FLT1: variants seen among roughly 807,000 people sequenced by gnomAD.
FLT1 encodes the protein fms related receptor tyrosine kinase 1.
FLT1 carries 49 observed loss-of-function variants against 156.3 expected under a neutral mutation model. The observed-to-expected ratio is 0.31, with a 90% CI of 0.25 to 0.40. The LOEUF is 0.40. Among genes scored for constraint, FLT1 ranks in the 10% least tolerant of loss-of-function variants. The pLI, the probability that FLT1 is intolerant of heterozygous loss-of-function variation, is 1.00. For synonymous variants in FLT1, 594 were observed against 583.8 expected, an observed-to-expected ratio of 1.02 and a Z score of -0.25; for missense variants, 1,322 against 1,637.2, an observed-to-expected ratio of 0.81 and a Z score of 3.32.
At chr13:28,430,015 G>T in intron 8 of FLT1, 35 bp downstream of exon 8, 5 of 1,342,834 alleles carry the variant, frequency 3.7e-6, no homozygotes, top group Non-Finnish European at 5.4e-6. Context: ...TACAAAGTAT[G>T]TCTTAAACTG....
intron 14 of FLT1, among the ~76,000 whole-genome samples, chr13:28,380,484 GT>G (rs1874030503): frequency 6.6e-6 from 1 of 152,120 alleles, no homozygotes; most frequent in Non-Finnish European, 1.5e-5. Flanking sequence ...GGCTATAGTG[GT>G]TTTACAGAGT....
chr13:28,368,851 C>T (rs1177124289), intron 14 of FLT1, among the ~76,000 whole-genome samples: 2 of 151,562 alleles, frequency 1.3e-5, no homozygotes, highest in Non-Finnish European at 2.9e-5. Flanking sequence ...ATTACAGGTG[C>T]CCACCACCAT....
chr13:28,320,488 A>G (rs1871404926), intron 23 of FLT1, among the ~76,000 whole-genome samples: 1 of 151,902 alleles, frequency 6.6e-6, no homozygotes, highest in African/African-American at 2.4e-5. Context: ...ACAGCTTTGA[A>G]TGCAGCCCGA....
At chr13:28,335,455 T>G in intron 17 of FLT1, among the ~76,000 whole-genome samples, 1 of 152,212 alleles carries the variant, frequency 6.6e-6, no homozygotes, top group Non-Finnish European at 1.5e-5. Context: ...TAAAAAATTT[T>G]CTTGTAGTTT....
chr13:28,388,610 T>G, intron 13 of FLT1: 6 of 1,056,288 alleles, frequency 5.7e-6, no homozygotes, highest in Non-Finnish European at 6.9e-6. Context: ...AAAACTGGTG[T>G]GTATTTTTTA....
chr13:28,398,526 C>A (rs556086179), intron 11 of FLT1, among the ~76,000 whole-genome samples: 2 of 152,196 alleles, frequency 1.3e-5, no homozygotes, highest in Non-Finnish European at 2.9e-5. Context: ...GACTTAAACA[C>A]ATGTTCCTCA....
In FLT1 at chr13:28,322,374, A is replaced by G; in HGVS notation, c.2954-15T>C. 1 of 1,526,912 alleles carries G rather than the reference A, an allele frequency of 6.5e-7. No homozygotes were observed. Among genetic ancestry groups the G allele is most frequent in the Non-Finnish European group, 9.1e-7 (1 of 1,100,368 alleles). The allele number at this position is 1,526,912 out of a possible 1,614,324, so 94.6% of individuals were successfully genotyped here. The stretch of plus-strand genomic sequence containing the variant: ...ACCGTCAGAATCTGGAAAGCATTAG[A>G]ACCGTAACTGTTTGTAATGGCTCTT... On this transcript the variant is annotated splice_polypyrimidine_tract_variant and intron_variant, in intron 21 of 29. Transcript: ENST00000282397. This position sits in a 1 kb window ranked among gnomAD's most constrained non-coding sequence, Gnocchi z 4.3.
chr13:28,302,784 T>G lies in FLT1; in HGVS notation c.*383A>C, dbSNP rs61192689. The G allele has an allele frequency of 5.3e-3, 1,400 of 266,592 alleles. 23 individuals are homozygous for G. Among genetic ancestry groups the G allele is most frequent in the African/African-American group, 0.027 (1,199 of 44,814 alleles). 16.5% of individuals were successfully genotyped at this position (266,592 alleles called of 1,614,324 possible). On this transcript the variant is annotated 3_prime_UTR_variant, in exon 30 of 30. Transcript: ENST00000282397. ...CCTGGGGCTAACGGGCTTGTTGCCC[T>G]GGGTTTTGGGCTGCAGGGCTGGCCC...
Position 28,430,160 on chromosome 13 carries a change from T to C in FLT1, c.996A>G (p.Ala332=), listed in dbSNP as rs945408770. ...VNTSVHIYDK[A]FITVKHRKQQ... ...GTTTTCGATGTTTCACAGTGATGAA[T>C]GCTTTATCTTTGAAAGGAGAAGTGA... Residue 332 remains alanine, a synonymous_variant, in exon 8 of 30, where the codon GCA becomes GCG. Transcript: ENST00000282397. The C allele has an allele frequency of 6.2e-7, 1 of 1,609,884 alleles. No individual in the cohort carries two copies. Among genetic ancestry groups the C allele is most frequent in the Non-Finnish European group, 8.5e-7 (1 of 1,176,260 alleles).
chr13:28,438,747 T>C (rs1420599405), intron 3 of FLT1, among the ~76,000 whole-genome samples: 2 of 152,296 alleles, frequency 1.3e-5, no homozygotes, highest in South Asian at 2.1e-4. Flanking sequence ...TCAAAGGGCA[T>C]AGATGCAGTG....
intron 12 of FLT1, among the ~76,000 whole-genome samples, chr13:28,396,021 C>T (rs187682427): frequency 6.6e-4 from 101 of 152,300 alleles, no homozygotes; most frequent in African/African-American, 2.4e-3. Context: ...ATCCCATTTG[C>T]TCATCTGGAA....
chr13:28,415,458 GCAA>G (rs1876592129), intron 10 of FLT1, among the ~76,000 whole-genome samples: 1 of 152,006 alleles, frequency 6.6e-6, no homozygotes, highest in Non-Finnish European at 1.5e-5. Context: ...TCCAGCCTGG[GCAA>G]CAACAGCAAA....
At chr13:28,343,462 G>C (rs1198379419) in intron 16 of FLT1, among the ~76,000 whole-genome samples, 3 of 150,734 alleles carry the variant, frequency 2.0e-5, no homozygotes, top group African/African-American at 7.3e-5. Flanking sequence ...ACCATGCCCA[G>C]CTAATTTTTT....
Position 28,357,645 on chromosome 13 carries a change from T to C in FLT1, c.2157A>G (p.Glu719=), listed in dbSNP as rs369163553. 87 of 1,613,636 alleles carry C rather than the reference T, an allele frequency of 5.4e-5. No individual in the cohort carries two copies. Among genetic ancestry groups the C allele is most frequent in the Non-Finnish European group, 7.0e-5 (83 of 1,179,694 alleles). ...CACCTTCATCCTCTTCTGTGACTCT[T>C]TCAATAAACAGCGTGCTGCTTCCTG... The part of the protein sequence containing the change: ...LGPGSSTLFI[E]RVTEEDEGVY... Residue 719 remains glutamate, a synonymous_variant, in exon 15 of 30, where the codon GAA becomes GAG. Transcript: ENST00000282397.
At position 28,427,754 on chromosome 13, in the gene FLT1, T is replaced by G. The variant is rs1877431880; in HGVS notation, c.1274A>C (p.Asn425Thr). ...GAAAGTATGAACAGCAAACTTACCA[T>G]TGACAATTAGAGTGGCAGTGAGGTT... ...FKNLTATLIV[N>T]VKPQIYEKAV... Residue 425 changes from asparagine to threonine, a missense_variant and splice_region_variant, in exon 9 of 30, where the codon AAT becomes ACT. Coordinates refer to ENST00000282397, the MANE Select transcript of FLT1 (RefSeq NM_002019.4). The G allele has an allele frequency of 1.2e-6, 2 of 1,613,622 alleles. No individual in the cohort carries two copies. Among genetic ancestry groups the G allele is most frequent in the East Asian group, 4.5e-5 (2 of 44,878 alleles).
intron 3 of FLT1, among the ~76,000 whole-genome samples, chr13:28,451,167 C>A (rs6490306): frequency 0.097 from 14,694 of 152,238 alleles, 953 homozygotes; most frequent in Admixed American, 0.18. Flanking sequence ...TGACGCCTGT[C>A]ATCCTAGCAC....
chr13:28,310,959 T>A (rs115765818), intron 27 of FLT1, among the ~76,000 whole-genome samples: 1,615 of 152,286 alleles, frequency 0.011, 20 homozygotes, highest in African/African-American at 0.037. Flanking sequence ...AGGAATTTAT[T>A]TGGTGCGATA....
At chr13:28,311,812 T>A in intron 26 of FLT1, 80 bp from the exon 27 acceptor site, 1 of 1,481,924 alleles carries the variant, frequency 6.7e-7, no homozygotes, top group Non-Finnish European at 9.4e-7. Context: ...CAACTTTGAC[T>A]ATGTCATTTG....
intron 3 of FLT1, among the ~76,000 whole-genome samples, chr13:28,451,240 C>T (rs572461006): frequency 5.3e-5 from 8 of 152,140 alleles, no homozygotes; most frequent in Admixed American, 2.6e-4. Flanking sequence ...CTGGACAACA[C>T]GGTGAAACCC....
Sources: gnomAD v4.1 joint callset for allele counts (sites outside exome capture counted in the v4.1 genomes callset) on GRCh38, gnomAD v4.1.1 for gene constraint, Gnocchi (gnomAD v3.1) non-coding constraint, MANE v1.5 for transcripts, NCBI Gene and HGNC (gene_info 2026-07-23, HGNC 2026-07-21) for gene names.